Variants in SOCS2 observed in about 807,000 individuals in gnomAD.
The protein encoded by SOCS2 is suppressor of cytokine signaling 2.
Under a neutral mutation model 18.6 loss-of-function variants are expected in SOCS2, and 10 were observed. That is an observed-to-expected ratio of 0.54 (90% CI 0.33 to 0.91). The LOEUF (loss-of-function observed/expected upper bound fraction) is 0.91, where lower values mean the gene tolerates loss of function less well. Among genes scored for constraint, SOCS2 ranks in the 40% least tolerant of loss-of-function variants. SOCS2 has a pLI of 0.02. For synonymous variants in SOCS2, 104 were observed against 104.0 expected (o/e 1.00, Z 0.00); for missense variants, 231 against 247.2 (o/e 0.93, Z 0.44).
chr12:93,586,908 C>T (rs879636240), downstream of SOCS2, among the ~76,000 whole-genome samples: 1 of 152,230 alleles, frequency 6.6e-6, no homozygotes, highest in Admixed American at 6.5e-5. Context: ...TGGCTCACAC[C>T]TGTAATCCCA....
intron 1 of SOCS2, 106 bp from the exon 2 acceptor site, chr12:93,574,616 T>C (rs1484118285): frequency 8.1e-6 from 6 of 741,422 alleles, no homozygotes; most frequent in Non-Finnish European, 1.2e-5. Context: ...TTTTTTTTTC[T>C]TTTTTAGAGC....
chr12:93,589,210 A>G, the SOCS2 span, among the ~76,000 whole-genome samples: 2 of 152,236 alleles, frequency 1.3e-5, no homozygotes, highest in Admixed American at 6.5e-5. Context: ...AGTGCCTTGC[A>G]GTCTGCGACC....
chr12:93,599,453 T>C, the SOCS2 span, among the ~76,000 whole-genome samples: 2 of 152,258 alleles, frequency 1.3e-5, no homozygotes, highest in East Asian at 1.9e-4. Flanking sequence ...TGAGCCACTG[T>C]GCCCAGGCTG....
chr12:93,619,145 G>GAA, the SOCS2 span, among the ~76,000 whole-genome samples: 3 of 152,200 alleles, frequency 2.0e-5, no homozygotes, highest in Non-Finnish European at 2.9e-5. Context: ...AGCTGTGTTT[G>GAA]GAGATGGTAA....
the SOCS2 span, among the ~76,000 whole-genome samples, chr12:93,619,064 G>A: frequency 6.6e-6 from 1 of 152,214 alleles, no homozygotes; most frequent in African/African-American, 2.4e-5. Context: ...GAGAACACAT[G>A]ATGCGGCACC....
In SOCS2 at chr12:93,572,759, C is replaced by G. The variant is rs963742673; in HGVS notation, c.-139C>G. 1 of 1,076,782 alleles carries G rather than the reference C, an allele frequency of 9.3e-7. No individual in the cohort carries two copies. The highest frequency in any genetic ancestry group is 1.4e-6 in the Non-Finnish European group (1 of 724,800). 66.7% of individuals were successfully genotyped at this position (1,076,782 alleles called of 1,614,324 possible). A position where few individuals can be genotyped will look rare whatever the true frequency, so the allele number is the denominator to read the frequency against. On this transcript the variant is annotated 5_prime_UTR_variant, in exon 1 of 2. In the 5' UTR this introduces an upstream ATG that the reference lacks. Coordinates refer to ENST00000551556, the MANE Select transcript of SOCS2 (RefSeq NM_001270471.2). This position sits in a 1 kb window ranked among gnomAD's most constrained non-coding sequence, Gnocchi z 5.0. ...AGGATCTGGGGAGAAAGAGCCCCAT[C>G]CCTTCTCTCTCTGCCACCATTTCGG...
chr12:93,621,899 G>A, the SOCS2 span, among the ~76,000 whole-genome samples: 1 of 152,202 alleles, frequency 6.6e-6, no homozygotes, highest in East Asian at 1.9e-4. Flanking sequence ...GAACACCAAA[G>A]TGGTGAAGCG....
the SOCS2 span, among the ~76,000 whole-genome samples, chr12:93,609,899 A>AG: frequency 6.6e-6 from 1 of 152,158 alleles, no homozygotes; most frequent in African/African-American, 2.4e-5. Flanking sequence ...ATATCTGGAG[A>AG]GGGCCTTCTT....
At chr12:93,600,832 G>A in the SOCS2 span, among the ~76,000 whole-genome samples, 16 of 149,064 alleles carry the variant, frequency 1.1e-4, no homozygotes, top group African/African-American at 1.7e-4. Context: ...TCTGTCACCC[G>A]GGCTGGAGTG....
In SOCS2 at chr12:93,574,739, A is replaced by G; in HGVS notation, c.157A>G (p.Met53Val). ...LGQTGWYWGS[M>V]TVNEAKEKLK... ...AACCCCAGGATGGTACTGGGGAAGT[A>G]TGACTGTTAATGAAGCCAAAGAGAA... is the stretch of plus-strand genomic sequence containing the variant. The change falls in exon 2 of 2, where the codon ATG (methionine) becomes GTG (valine). Residue 53 changes from methionine to valine, a missense_variant. By Grantham distance (21) the Met-to-Val change is conservative. Coordinates refer to ENST00000551556, the MANE Select transcript of SOCS2 (RefSeq NM_001270471.2). The G allele has an allele frequency of 6.2e-7, 1 of 1,612,342 alleles. No homozygotes were observed. The highest frequency in any genetic ancestry group is 8.5e-7 in the Non-Finnish European group (1 of 1,179,116).
intron 1 of SOCS2, chr12:93,574,239 C>T (rs1592828922): frequency 9.6e-6 from 1 of 104,384 alleles, no homozygotes; most frequent in Non-Finnish European, 1.9e-5. Context: ...TGGTGGGGGG[C>T]ACACCAACCA....
chr12:93,619,249 C>T, the SOCS2 span, among the ~76,000 whole-genome samples: 1 of 152,158 alleles, frequency 6.6e-6, no homozygotes, highest in African/African-American at 2.4e-5. Context: ...TCTTCCTCCT[C>T]CCACCTTCAG....
chr12:93,614,479 C>CTTCCTTTCTT, the SOCS2 span, among the ~76,000 whole-genome samples: 3 of 31,886 alleles, frequency 9.4e-5, no homozygotes, highest in African/African-American at 6.8e-4. Context: ...TCCTTCCTTC[C>CTTCCTTTCTT]TTTCCTTCCT....
At chr12:93,603,236 G>T in the SOCS2 span, among the ~76,000 whole-genome samples, 29 of 152,292 alleles carry the variant, frequency 1.9e-4, no homozygotes, top group Admixed American at 3.3e-4. Flanking sequence ...AACAACAACA[G>T]TAAAAAAACC....
At chr12:93,602,400 C>T in the SOCS2 span, among the ~76,000 whole-genome samples, 1 of 152,140 alleles carries the variant, frequency 6.6e-6, no homozygotes, top group Non-Finnish European at 1.5e-5. Flanking sequence ...CTGGCCAATC[C>T]TCAGTATTTG....
chr12:93,608,154 CT>C, the SOCS2 span, among the ~76,000 whole-genome samples: 1 of 150,230 alleles, frequency 6.7e-6, no homozygotes, highest in Non-Finnish European at 1.5e-5. Context: ...ATGCCTGGCC[CT>C]TTTTTTGTTT....
the SOCS2 span, among the ~76,000 whole-genome samples, chr12:93,606,005 C>T: frequency 6.6e-6 from 1 of 152,206 alleles, no homozygotes; most frequent in African/African-American, 2.4e-5. Flanking sequence ...ACAGTCTGGA[C>T]ATATGTAGTC....
At chr12:93,619,601 C>G in the SOCS2 span, among the ~76,000 whole-genome samples, 1 of 152,184 alleles carries the variant, frequency 6.6e-6, no homozygotes, top group Non-Finnish European at 1.5e-5. Context: ...TTAATCCACA[C>G]AGGAATCCTA....
intron 1 of SOCS2, among the ~76,000 whole-genome samples, chr12:93,582,687 C>T (rs1954556210): frequency 6.6e-6 from 1 of 152,174 alleles, no homozygotes; most frequent in African/African-American, 2.4e-5. Flanking sequence ...CGCGGTGCAG[C>T]GGGCACAACC....
Sources: allele counts gnomAD v4.1 joint callset (sites outside exome capture counted in the v4.1 genomes callset), GRCh38; gene constraint gnomAD v4.1.1; non-coding constraint Gnocchi (gnomAD v3.1); transcripts MANE v1.5; gene names NCBI Gene and HGNC (gene_info 2026-07-23, HGNC 2026-07-21).